TTC38: variants seen among roughly 807,000 people sequenced by gnomAD.
TTC38 encodes the protein tetratricopeptide repeat protein 38.
TTC38 carries 64 observed loss-of-function variants against 64.2 expected under a neutral mutation model. That is an observed-to-expected ratio of 1.00 (90% confidence interval 0.81 to 1.23). TTC38 has a LOEUF of 1.23. Among genes scored for constraint, TTC38 ranks in the 50% most tolerant of loss-of-function variants. The probability of loss-of-function intolerance (pLI) is 0.00; values close to 1 mark genes in which losing one functional copy is unlikely to be tolerated. For synonymous variants in TTC38, 254 were observed against 249.3 expected, an observed-to-expected ratio of 1.02 and a Z score of -0.18; for missense variants, 573 against 615.5, an observed-to-expected ratio of 0.93 and a Z score of 0.73.
In TTC38 at chr22:46,281,536, G is replaced by T; in HGVS notation, c.616-63G>T. 1 of 1,582,030 alleles carries T rather than the reference G, an allele frequency of 6.3e-7. No homozygotes were observed. The highest frequency in any genetic ancestry group is 8.6e-7 in the Non-Finnish European group (1 of 1,159,558). ...TCTTGCCCCTTAGAGACCTGCCGTC[G>T]CCTGCCCCGGCAGCCTGACTGATCT... On this transcript the variant is annotated intron_variant, in intron 6 of 13. Transcript: ENST00000381031. The surrounding 1 kb of genome is among the most constrained non-coding windows in gnomAD (Gnocchi z 5.2).
rs371392806 is a variant in TTC38, at chr22:46,293,089, A to G, written c.*205A>G. ...TCCTTTCAGTCCTCGAGAAGGGCCA[A>G]TGAGCATTTTTCAGCAGTCACAGCC... is the stretch of plus-strand genomic sequence containing the variant. On this transcript the variant is annotated 3_prime_UTR_variant, in exon 14 of 14. Transcript: ENST00000381031. The surrounding 1 kb of genome is among the most constrained non-coding windows in gnomAD (Gnocchi z 6.6). 2.3e-5 allele frequency: 13 copies of G among 559,392 alleles called. No homozygotes were observed. In the East Asian group the frequency reaches 2.9e-4, roughly 12 times the overall value. 34.7% of individuals were successfully genotyped at this position (559,392 alleles called of 1,614,324 possible).
intron 6 of TTC38, 150 bp downstream of exon 6, chr22:46,278,811 T>C: frequency 1.4e-6 from 1 of 720,684 alleles, no homozygotes; most frequent in Non-Finnish European, 2.4e-6. Context: ...CATGTTAGTG[T>C]GAGCAGCTGC....
In TTC38 at chr22:46,289,569, G is replaced by A. The variant is rs1313473207; in HGVS notation, c.1242+8G>A. 10 of 1,568,012 alleles carry A rather than the reference G, an allele frequency of 6.4e-6. No individual in the cohort carries two copies. Among genetic ancestry groups the A allele is most frequent in the East Asian group, 2.2e-5 (1 of 44,490 alleles). On this transcript the variant is annotated splice_region_variant and intron_variant, in intron 12 of 13. Transcript: ENST00000381031. ...GGTGGGAGCAATGCCCAGGTGAGCC[G>A]ATGGCCGCCAGCTGGGGTGCCTAGG...
In TTC38 at chr22:46,270,756, C is replaced by T. The variant is rs1471781564; in HGVS notation, c.112-1579C>T. 6.6e-6 allele frequency among the ~76,000 whole-genome samples: 1 copy of T among 152,008 alleles called. No individual in the cohort carries two copies. The highest frequency in any genetic ancestry group is 2.4e-5 in the African/African-American group (1 of 41,366). On this transcript the variant is annotated intron_variant, in intron 2 of 13. Transcript: ENST00000381031. The surrounding 1 kb of genome is among the most constrained non-coding windows in gnomAD (Gnocchi z 4.7). The stretch of plus-strand genomic sequence containing the variant: ...AGGCTGAGGCAGAGGAATTCTTGAA[C>T]CAGGGAGGTGGAGGTTGTAGTGAGC...
Position 46,281,830 on chromosome 22 carries a change from C to G in TTC38, c.735+112C>G. The G allele has an allele frequency of 1.4e-6, 2 of 1,417,052 alleles. No homozygotes were observed. The highest frequency in any genetic ancestry group is 2.0e-6 in the Non-Finnish European group (2 of 1,019,682). The allele number at this position is 1,417,052 out of a possible 1,614,324, so 87.8% of individuals were successfully genotyped here. A position where few individuals can be genotyped will look rare whatever the true frequency, so the allele number is the denominator to read the frequency against. On this transcript the variant is annotated intron_variant, in intron 7 of 13. Transcript: ENST00000381031. This position sits in a 1 kb window ranked among gnomAD's most constrained non-coding sequence, Gnocchi z 5.2. ...GGGCATGGCTTAATTCTCGGGGTTC[C>G]CTCTCCTCCTCCACCTGCACCTGCC... is the stretch of plus-strand genomic sequence containing the variant.
Position 46,274,569 on chromosome 22 carries a change from G to A in TTC38, c.365+500G>A, listed in dbSNP as rs769745105. Among the ~76,000 whole-genome samples, 2 of 152,140 alleles carry A rather than the reference G, an allele frequency of 1.3e-5. No homozygotes were observed. Among genetic ancestry groups the A allele is most frequent in the African/African-American group, 2.4e-5 (1 of 41,416 alleles). On this transcript the variant is annotated intron_variant, in intron 4 of 13. Transcript: ENST00000381031. The surrounding 1 kb of genome is among the most constrained non-coding windows in gnomAD (Gnocchi z 4.8). ...GGCGAGATGCCCTGCAGAGTTAGGC[G>A]ACCCTAGCCGATTGTGCAGGGACTC...
At chr22:46,286,685 A>G (rs1199558014) in intron 9 of TTC38, among the ~76,000 whole-genome samples, 2 of 151,776 alleles carry the variant, frequency 1.3e-5, no homozygotes, top group Non-Finnish European at 2.9e-5. Flanking sequence ...AAAGAAAGAA[A>G]GAAATGAAGG....
chr22:46,283,977 C>CT lies in TTC38; in HGVS notation c.741dup (p.Asp248Ter). 1 of 1,491,288 alleles carries CT rather than the reference C, an allele frequency of 6.7e-7. No homozygotes were observed. The highest frequency in any genetic ancestry group is 9.0e-7 in the Non-Finnish European group (1 of 1,108,062). 92.4% of individuals were successfully genotyped at this position (1,491,288 alleles called of 1,614,324 possible). On this transcript the variant is annotated frameshift_variant, in exon 8 of 14. Transcript: ENST00000381031. LOFTEE classifies it high-confidence loss of function. ...TCTTTTTTTTTTTTTCTCCAGGACT[C>CT]TGATATGTTGGCTTGTCATAACTAT... is the stretch of plus-strand genomic sequence containing the variant.
Position 46,287,067 on chromosome 22 carries a change from T to G in TTC38, c.835-6T>G. On this transcript the variant is annotated splice_polypyrimidine_tract_variant and splice_region_variant and intron_variant, in intron 9 of 13. Transcript: ENST00000381031. ...CTGAGCCCGCCTTGGCCGCCCTGTC[T>G]TCCAGATCCTTCCCAGCCTGCAGGC... 1 of 1,595,732 alleles carries G rather than the reference T, an allele frequency of 6.3e-7. No homozygotes were observed. Among genetic ancestry groups the G allele is most frequent in the Non-Finnish European group, 8.5e-7 (1 of 1,172,876 alleles).
intron 12 of TTC38, 65 bp downstream of exon 12, chr22:46,289,626 C>A (rs1232037747): frequency 6.5e-7 from 1 of 1,531,152 alleles, no homozygotes. Context: ...CGCCCCGCAG[C>A]CCCCAAGTTT....
intron 10 of TTC38, among the ~76,000 whole-genome samples, chr22:46,287,467 G>A (rs1246613295): frequency 2.6e-5 from 4 of 152,216 alleles, no homozygotes; most frequent in South Asian, 4.1e-4. Context: ...CCAAACCTTC[G>A]GGGCACTGGT....
intron 7 of TTC38, among the ~76,000 whole-genome samples, chr22:46,283,555 G>C (rs2077549680): frequency 6.6e-6 from 1 of 152,144 alleles, no homozygotes; most frequent in Non-Finnish European, 1.5e-5. Context: ...TGCACTCAAA[G>C]ATGATGGTTT....
chr22:46,276,735 A>AT lies in TTC38; in HGVS notation c.539+1314_539+1315insT, dbSNP rs2077490044. Among the ~76,000 whole-genome samples the AT allele has an allele frequency of 6.9e-6, 1 of 145,940 alleles. No individual in the cohort carries two copies. The highest frequency in any genetic ancestry group is 2.5e-5 in the African/African-American group (1 of 40,048). On this transcript the variant is annotated intron_variant, in intron 5 of 13. Coordinates refer to ENST00000381031, the MANE Select transcript of TTC38 (RefSeq NM_017931.4). This position sits in a 1 kb window ranked among gnomAD's most constrained non-coding sequence, Gnocchi z 4.7. The stretch of plus-strand genomic sequence containing the variant: ...TATATTAAAAATATATATATTAAAA[A>AT]AATATATATAAAATACATATATTAA...
rs1007942295 is a variant in TTC38, at chr22:46,289,323, G to A, written c.1083-79G>A. 4.2e-5 allele frequency: 65 copies of A among 1,533,486 alleles called. No homozygotes were observed. In the Middle Eastern group the frequency reaches 2.8e-3, roughly 66 times the overall value. 95.0% of individuals were successfully genotyped at this position (1,533,486 alleles called of 1,614,324 possible). ...TCAGGCACTGGACCAGGGACACCTC[G>A]CTGAGGAAGAAATGGCTCTGCCCTT... On this transcript the variant is annotated intron_variant, in intron 11 of 13. Transcript: ENST00000381031.
In TTC38 at chr22:46,270,010, T is replaced by G. The variant is rs1936860057; in HGVS notation, c.111+1419T>G. Among the ~76,000 whole-genome samples the G allele has an allele frequency of 6.6e-6, 1 of 152,154 alleles. No homozygotes were observed. The highest frequency in any genetic ancestry group is 6.5e-5 in the Admixed American group (1 of 15,274). ...GGTTTCACCATGTTGGTCAGGATGG[T>G]CACAAACTCCTGACCTTGTGATTCC... On this transcript the variant is annotated intron_variant, in intron 2 of 13. Transcript: ENST00000381031. The surrounding 1 kb of genome is among the most constrained non-coding windows in gnomAD (Gnocchi z 4.7).
At position 46,276,251 on chromosome 22, in the gene TTC38, G is replaced by A. The variant is rs183578100; in HGVS notation, c.539+830G>A. Reference sequence around the variant, plus strand: ...AAGCTGGAAATCGCTGCAGGAGTCAGCATTAGTCTTACATCTGGAGGCAGT... The same window carrying A: ...AAGCTGGAAATCGCTGCAGGAGTCAACATTAGTCTTACATCTGGAGGCAGT... On this transcript the variant is annotated intron_variant, in intron 5 of 13. Coordinates refer to ENST00000381031, the MANE Select transcript of TTC38 (RefSeq NM_017931.4). This position sits in a 1 kb window ranked among gnomAD's most constrained non-coding sequence, Gnocchi z 4.7. Among the ~76,000 whole-genome samples, 54 of 152,290 alleles carry A rather than the reference G, an allele frequency of 3.5e-4. No homozygotes were observed. The highest frequency in any genetic ancestry group is 6.2e-4 in the Non-Finnish European group (42 of 68,030).
rs777842054 is a variant in TTC38, at chr22:46,285,278, A to G, written c.833A>G (p.His278Arg). The G allele has an allele frequency of 5.0e-6, 8 of 1,614,016 alleles. No homozygotes were observed. The change falls in exon 9 of 14, where the codon CAC becomes CGC. Residue 278 changes from histidine to arginine, a missense_variant and splice_region_variant. Coordinates refer to ENST00000381031, the MANE Select transcript of TTC38 (RefSeq NM_017931.4). Reference sequence around the variant, plus strand: ...GCCGCGCTGACCATCTACGATACCCACGTAAGTTGCATTCACACCGTGTTT... The same window carrying G: ...GCCGCGCTGACCATCTACGATACCCGCGTAAGTTGCATTCACACCGTGTTT... The part of the protein sequence containing the change: ...YEAALTIYDT[H>R]ILPSLQANDA...
Position 46,274,086 on chromosome 22 carries a change from G to A in TTC38, c.365+17G>A, listed in dbSNP as rs1367154047. 1 of 1,613,062 alleles carries A rather than the reference G, an allele frequency of 6.2e-7. No individual in the cohort carries two copies. Among genetic ancestry groups the A allele is most frequent in the South Asian group, 1.1e-5 (1 of 91,018 alleles). On this transcript the variant is annotated intron_variant, in intron 4 of 13. Transcript: ENST00000381031. This position sits in a 1 kb window ranked among gnomAD's most constrained non-coding sequence, Gnocchi z 4.8. ...TGCCAATGGGTGAGGGGCCTCCCTG[G>A]GCTGGGAGCTGGCACCCTGAGGCTG...
intron 7 of TTC38, 39 bp from the exon 8 acceptor site, chr22:46,283,933 TC>T (rs773590938): frequency 6.7e-6 from 10 of 1,490,866 alleles, no homozygotes; most frequent in Non-Finnish European, 9.1e-6. Flanking sequence ...CCATAGGCCT[TC>T]AGACTTTTCA....
Sources: gnomAD v4.1 joint callset for allele counts (sites outside exome capture counted in the v4.1 genomes callset) on GRCh38, gnomAD v4.1.1 for gene constraint, Gnocchi (gnomAD v3.1) non-coding constraint, MANE v1.5 for transcripts, NCBI Gene and HGNC (gene_info 2026-07-23, HGNC 2026-07-21) for gene names.